DPY19L2: variants seen among roughly 807,000 people sequenced by gnomAD.
DPY19L2 encodes the protein dpy-19 like 2.
Under a neutral mutation model 97.9 loss-of-function variants are expected in DPY19L2, and 34 were observed. The ratio of observed to expected loss-of-function variants is 0.35; its 90% CI spans 0.26 to 0.46. The LOEUF is 0.46. Ranked by LOEUF, DPY19L2 falls within the 20% of genes least tolerant of loss-of-function variation. The pLI is 1.00. For missense variants in DPY19L2, 623 were observed against 911.4 expected (o/e 0.68, Z 4.07); for synonymous variants, 230 against 307.9 (o/e 0.75, Z 2.65).
rs1895668715 is a variant in DPY19L2, at chr12:63,661,488, T to A, written c.451-7A>T. The A allele has an allele frequency of 1.9e-6, 3 of 1,545,202 alleles. No individual in the cohort carries two copies. Among genetic ancestry groups the A allele is most frequent in the East Asian group, 4.7e-5 (2 of 42,346 alleles). On this transcript the variant is annotated splice_region_variant and splice_polypyrimidine_tract_variant and intron_variant, in intron 3 of 21. Coordinates refer to ENST00000324472, the MANE Select transcript of DPY19L2 (RefSeq NM_173812.5). ...AGTATGAATAATAAAGTCCCTTTTT[T>A]TAAAAAAAGACATATATTGTCAATG... is the stretch of plus-strand genomic sequence containing the variant.
intron 4 of DPY19L2, chr12:63,651,762 G>T: frequency 3.1e-6 from 1 of 318,848 alleles, no homozygotes; most frequent in South Asian, 3.0e-5. Context: ...CATGAATAAA[G>T]AGCTGGCTGC....
At chr12:63,611,615 A>G (rs1428142966) in intron 11 of DPY19L2, among the ~76,000 whole-genome samples, 1 of 152,066 alleles carries the variant, frequency 6.6e-6, no homozygotes. Context: ...ATGAACTTTT[A>G]GATATGAAAA....
chr12:63,667,088 T>C, intron 1 of DPY19L2, among the ~76,000 whole-genome samples: 1 of 152,192 alleles, frequency 6.6e-6, no homozygotes, highest in East Asian at 1.9e-4. Context: ...AGGCAAAGTA[T>C]GGCCCATGGT....
At chr12:63,619,298 G>T (rs1888312893) in intron 9 of DPY19L2, among the ~76,000 whole-genome samples, 1 of 152,096 alleles carries the variant, frequency 6.6e-6, no homozygotes, top group African/African-American at 2.4e-5. Context: ...AAATTAGCCA[G>T]ATGTGGTTGC....
chr12:63,611,673 T>G (rs1360111330), intron 11 of DPY19L2, among the ~76,000 whole-genome samples: 2 of 152,058 alleles, frequency 1.3e-5, no homozygotes, highest in Non-Finnish European at 2.9e-5. Context: ...TAACAACAGG[T>G]TAGATACTGC....
At chr12:63,573,850 C>T (rs551204567) in intron 19 of DPY19L2, among the ~76,000 whole-genome samples, 1 of 151,952 alleles carries the variant, frequency 6.6e-6, no homozygotes, top group Non-Finnish European at 1.5e-5. Context: ...TCCTTCAAAC[C>T]TAAAGGAGAA....
Position 63,594,325 on chromosome 12 carries a change from G to A in DPY19L2, c.1534-192C>T, listed in dbSNP as rs191861629. ...TTCCGAGAAGTGACTTCACATCATT[G>A]AAAACTAAATGACCATCAGAAGTAT... On this transcript the variant is annotated intron_variant, in intron 15 of 21. Coordinates refer to ENST00000324472, the MANE Select transcript of DPY19L2 (RefSeq NM_173812.5). Among the ~76,000 whole-genome samples, 3 of 152,160 alleles carry A rather than the reference G, an allele frequency of 2.0e-5. No homozygotes were observed. In the East Asian group the frequency reaches 5.8e-4, roughly 29 times the overall value.
chr12:63,619,611 A>G (rs1187542560), intron 9 of DPY19L2, among the ~76,000 whole-genome samples: 1 of 151,910 alleles, frequency 6.6e-6, no homozygotes, highest in Non-Finnish European at 1.5e-5. Context: ...TCCTGGGTTC[A>G]AGCAATTCTC....
At chr12:63,566,612 G>C (rs1185225877) in intron 21 of DPY19L2, among the ~76,000 whole-genome samples, 1 of 151,868 alleles carries the variant, frequency 6.6e-6, no homozygotes, top group African/African-American at 2.4e-5. Context: ...CCAGGATCTT[G>C]AGTGTATCAA....
At chr12:63,667,992 C>T in intron 1 of DPY19L2, 65 bp downstream of exon 1, 1 of 1,528,780 alleles carries the variant, frequency 6.5e-7, no homozygotes, top group South Asian at 1.3e-5. Flanking sequence ...TTAAACTGAT[C>T]TCCTTCAAGA....
At chr12:63,634,817 A>G (rs1364136795) in intron 6 of DPY19L2, among the ~76,000 whole-genome samples, 1 of 152,170 alleles carries the variant, frequency 6.6e-6, no homozygotes, top group African/African-American at 2.4e-5. Flanking sequence ...CCGCAGCTCA[A>G]GGAGGCCTGC....
Position 63,624,141 on chromosome 12 carries a change from A to G in DPY19L2, c.862-10T>C. On this transcript the variant is annotated splice_polypyrimidine_tract_variant and intron_variant, in intron 7 of 21. Transcript: ENST00000324472. ...ACATCACACGGGTGGCCTGAAATCA[A>G]CAAAATGCCCACTTTACATCCTATT... is the stretch of plus-strand genomic sequence containing the variant. The G allele has an allele frequency of 6.2e-7, 1 of 1,600,482 alleles. No homozygotes were observed. The highest frequency in any genetic ancestry group is 8.6e-7 in the Non-Finnish European group (1 of 1,169,530).
intron 6 of DPY19L2, among the ~76,000 whole-genome samples, chr12:63,629,451 G>A (rs1890183638): frequency 1.3e-5 from 2 of 152,280 alleles, no homozygotes; most frequent in South Asian, 4.1e-4. Flanking sequence ...CGATCAACTG[G>A]AAGAAAGGGT....
intron 4 of DPY19L2, among the ~76,000 whole-genome samples, chr12:63,656,272 T>C (rs1391013715): frequency 6.6e-6 from 1 of 152,194 alleles, no homozygotes; most frequent in African/African-American, 2.4e-5. Flanking sequence ...AACACAATTC[T>C]GTTGGCTGGT....
At chr12:63,591,090 T>G in intron 16 of DPY19L2, 1 of 455,972 alleles carries the variant, frequency 2.2e-6, no homozygotes, top group Non-Finnish European at 4.4e-6. Context: ...TCATTCTTTT[T>G]TAGAATGCCA....
Position 63,590,822 on chromosome 12 carries a change from T to C in DPY19L2, c.1580+3265A>G, listed in dbSNP as rs188404549. ...TTACTACTAGCCCCTGCTATTATTA[T>C]TTTTGAGATTTAACCCGGAACCCTC... On this transcript the variant is annotated intron_variant, in intron 16 of 21. Coordinates refer to ENST00000324472, the MANE Select transcript of DPY19L2 (RefSeq NM_173812.5). Among the ~76,000 whole-genome samples, 361 of 152,202 alleles carry C rather than the reference T, an allele frequency of 2.4e-3. 2 individuals carry two copies. The highest frequency in any genetic ancestry group is 0.017 in the Middle Eastern group (5 of 294).
chr12:63,573,799 A>G (rs1879329212), intron 19 of DPY19L2, among the ~76,000 whole-genome samples: 1 of 152,128 alleles, frequency 6.6e-6, no homozygotes, highest in Non-Finnish European at 1.5e-5. Context: ...AAAGTGAAGG[A>G]AAAAACCTTT....
rs1565728546 is a variant in DPY19L2 at position 63,592,011 on chromosome 12, G to GAGGGGAGGGGT, written c.1580+2075_1580+2076insACCCCTCCCCT. Among the ~76,000 whole-genome samples, 9 of 6,794 alleles carry GAGGGGAGGGGT rather than the reference G, an allele frequency of 1.3e-3. 3 individuals are homozygous for GAGGGGAGGGGT. Among genetic ancestry groups the GAGGGGAGGGGT allele is most frequent in the Non-Finnish European group, 1.7e-3 (5 of 2,984 alleles). The allele number at this position is 6,794 out of a possible 152,430, so 4.5% of individuals were successfully genotyped here. A position where few individuals can be genotyped will look rare whatever the true frequency, so the allele number is the denominator to read the frequency against. ...GAAGGGAAGGGAGGGGAAGGGAGGG[G>GAGGGGAGGGGT]AGGGGAGGGGAGGGGAGGGGAGGGG... On this transcript the variant is annotated intron_variant, in intron 16 of 21. Transcript: ENST00000324472.
At chr12:63,592,079 A>AGAAGACAAGC (rs1294564558) in intron 16 of DPY19L2, among the ~76,000 whole-genome samples, 1 of 138,318 alleles carries the variant, frequency 7.2e-6, no homozygotes, top group East Asian at 2.2e-4. Flanking sequence ...AGAAGACAAG[A>AGAAGACAAGC]GAAGACAAGA....
Sources: allele counts gnomAD v4.1 joint callset (sites outside exome capture counted in the v4.1 genomes callset), GRCh38; gene constraint gnomAD v4.1.1; transcripts MANE v1.5; gene names NCBI Gene and HGNC (gene_info 2026-07-23, HGNC 2026-07-21).